The following ADAM10 variants were observed in gnomAD, a reference collection of about 807,000 sequenced individuals.
The protein encoded by ADAM10 is ADAM metallopeptidase domain 10.
Under a neutral mutation model 90.1 loss-of-function variants are expected in ADAM10, and 17 were observed. That is an observed-to-expected ratio of 0.19 (90% CI 0.13 to 0.28). The LOEUF (loss-of-function observed/expected upper bound fraction) is 0.28. ADAM10 is among the 10% of genes least tolerant of loss of function. The pLI, the probability that ADAM10 is intolerant of heterozygous loss-of-function variation, is 1.00. For synonymous variants in ADAM10, 310 were observed against 298.6 expected (o/e 1.04, Z -0.40); for missense variants, 610 against 914.3 (o/e 0.67, Z 4.29).
Position 58,597,467 on chromosome 15 carries a change from G to C in ADAM10, c.*80C>G, listed in dbSNP as rs868013756. 3.7e-6 allele frequency: 6 copies of C among 1,608,132 alleles called. No individual in the cohort carries two copies. The Middle Eastern group carries it at 9.9e-4, about 265-fold the overall frequency. On this transcript the variant is annotated 3_prime_UTR_variant, in exon 16 of 16. Coordinates refer to ENST00000260408, the MANE Select transcript of ADAM10 (RefSeq NM_001110.4). ...GTTACTTGTGAGGGTTTAGTTTGGA[G>C]ATGATGACTTAATAGGTTTCTCTTT...
intron 8 of ADAM10, among the ~76,000 whole-genome samples, chr15:58,638,980 A>G (rs1327220529): frequency 4.6e-5 from 7 of 152,232 alleles, no homozygotes; most frequent in Admixed American, 4.6e-4. Flanking sequence ...ATCTAAAGAC[A>G]TGAGAATATC....
At position 58,703,290 on chromosome 15, in the gene ADAM10, T is replaced by G. The variant is rs1487366813; in HGVS notation, c.206+14287A>C. 5.4e-4 allele frequency among the ~76,000 whole-genome samples: 38 copies of G among 70,680 alleles called. 1 individual carries two copies. The highest frequency in any genetic ancestry group is 1.9e-3 in the African/African-American group (32 of 16,818). 46.4% of individuals were successfully genotyped at this position (70,680 alleles called of 152,430 possible). A position where few individuals can be genotyped will look rare whatever the true frequency, so the allele number is the denominator to read the frequency against. On this transcript the variant is annotated intron_variant, in intron 2 of 15. Transcript: ENST00000260408. ...TCCAGGAAAACAATTTGGTATTCCC[T>G]CAAAAAAAAAAAAAAAAAAAACACA...
chr15:58,746,810 C>T (rs1899806331), intron 1 of ADAM10, among the ~76,000 whole-genome samples: 3 of 152,138 alleles, frequency 2.0e-5, no homozygotes, highest in Non-Finnish European at 4.4e-5. Flanking sequence ...TAACTGGACT[C>T]AAACTGAAGT....
intron 4 of ADAM10, among the ~76,000 whole-genome samples, chr15:58,673,144 C>A (rs1406789999): frequency 6.6e-6 from 1 of 152,008 alleles, no homozygotes; most frequent in African/African-American, 2.4e-5. Context: ...AAAAAAAATA[C>A]AGATGGATGG....
chr15:58,749,004 G>A (rs1423002206), intron 1 of ADAM10: 4 of 399,218 alleles, frequency 1.0e-5, no homozygotes, highest in Admixed American at 4.4e-5. Context: ...CTCGGCGGCG[G>A]AGAGGACTTC....
intron 1 of ADAM10, among the ~76,000 whole-genome samples, chr15:58,743,380 T>C (rs61678411): frequency 0.051 from 7,803 of 152,176 alleles, 679 homozygotes; most frequent in African/African-American, 0.18. Context: ...ACATAGACCA[T>C]ATTTTAAGCT....
intron 1 of ADAM10, among the ~76,000 whole-genome samples, chr15:58,745,823 G>C (rs1899773107): frequency 6.6e-6 from 1 of 152,154 alleles, no homozygotes; most frequent in South Asian, 2.1e-4. Context: ...CCAGTTTAAA[G>C]AGGGTGGCTA....
At chr15:58,687,326 A>G (rs1897630853) in intron 2 of ADAM10, among the ~76,000 whole-genome samples, 1 of 152,262 alleles carries the variant, frequency 6.6e-6, no homozygotes, top group South Asian at 2.1e-4. Flanking sequence ...TCTACTTTGT[A>G]GCTGTGGCTG....
At chr15:58,694,932 C>T (rs190413504) in intron 2 of ADAM10, among the ~76,000 whole-genome samples, 11 of 152,028 alleles carry the variant, frequency 7.2e-5, no homozygotes, top group Admixed American at 3.3e-4. Context: ...TTTTGTGATA[C>T]GACAGAAACA....
chr15:58,600,259 G>A (rs377464351), intron 14 of ADAM10, among the ~76,000 whole-genome samples: 3 of 152,082 alleles, frequency 2.0e-5, no homozygotes, highest in Non-Finnish European at 4.4e-5. Context: ...TATAGACTAT[G>A]TTTTGATTGC....
chr15:58,633,726 TA>T, intron 8 of ADAM10, among the ~76,000 whole-genome samples: 1 of 152,226 alleles, frequency 6.6e-6, no homozygotes, highest in African/African-American at 2.4e-5. Context: ...TTTCATCTTT[TA>T]AAAAGAAATC....
At chr15:58,628,371 T>C (rs567465622) in intron 9 of ADAM10, among the ~76,000 whole-genome samples, 19 of 152,140 alleles carry the variant, frequency 1.2e-4, no homozygotes, top group African/African-American at 4.6e-4. Context: ...TAATAGCCAA[T>C]ATATAGGAAA....
intron 11 of ADAM10, 27 bp downstream of exon 11, chr15:58,621,444 T>C: frequency 6.2e-7 from 1 of 1,613,712 alleles, no homozygotes; most frequent in Non-Finnish European, 8.5e-7. Flanking sequence ...TACAAGAATG[T>C]TAACATCACT....
rs1008133969 is a variant in ADAM10, at chr15:58,594,903, A to T, written c.*2644T>A. 2.0e-5 allele frequency: 3 copies of T among 152,144 alleles called. No individual in the cohort carries two copies. The highest frequency in any genetic ancestry group is 7.2e-5 in the African/African-American group (3 of 41,446). The allele number at this position is 152,144 out of a possible 1,614,324, so 9.4% of individuals were successfully genotyped here. The stretch of plus-strand genomic sequence containing the variant: ...GTATTACTTATAGCTAACCTTGACT[A>T]AAAAAAGAATTTGAAGCAGATTACC... On this transcript the variant is annotated 3_prime_UTR_variant, in exon 16 of 16. Transcript: ENST00000260408.
chr15:58,631,591 G>C lies in ADAM10; in HGVS notation c.1176+1605C>G, dbSNP rs71478680. Among the ~76,000 whole-genome samples the C allele has an allele frequency of 8.3e-3, 1,268 of 152,212 alleles. 10 individuals carry two copies. The highest frequency in any genetic ancestry group is 0.014 in the Non-Finnish European group (922 of 68,006). On this transcript the variant is annotated intron_variant, in intron 9 of 15. Coordinates refer to ENST00000260408, the MANE Select transcript of ADAM10 (RefSeq NM_001110.4). ...GCCCCATCAAAGACCTACTAAAAAA[G>C]AATCTGTGTTTTAAGATTCTCAGGT...
intron 8 of ADAM10, among the ~76,000 whole-genome samples, chr15:58,633,909 A>C (rs560831206): frequency 3.3e-5 from 5 of 152,014 alleles, no homozygotes; most frequent in Non-Finnish European, 5.9e-5. Flanking sequence ...GTTAAAAAAA[A>C]AAAAAAAGAG....
chr15:58,661,135 C>A (rs1313267541), intron 5 of ADAM10, among the ~76,000 whole-genome samples: 1 of 152,206 alleles, frequency 6.6e-6, no homozygotes, highest in Non-Finnish European at 1.5e-5. Context: ...TTTTGATTCT[C>A]TGTATATTAC....
At chr15:58,680,364 C>G (rs1349340720) in intron 3 of ADAM10, among the ~76,000 whole-genome samples, 13 of 152,214 alleles carry the variant, frequency 8.5e-5, no homozygotes, top group Admixed American at 4.6e-4. Flanking sequence ...CTCAAACAAT[C>G]CACCTGCCTC....
chr15:58,736,456 T>A (rs770040343), intron 1 of ADAM10, among the ~76,000 whole-genome samples: 9 of 152,148 alleles, frequency 5.9e-5, no homozygotes, highest in Non-Finnish European at 1.3e-4. Context: ...ACATGGCACC[T>A]AATACTTATA....
Sources: allele counts gnomAD v4.1 joint callset (sites outside exome capture counted in the v4.1 genomes callset), GRCh38; gene constraint gnomAD v4.1.1; transcripts MANE v1.5; gene names NCBI Gene and HGNC (gene_info 2026-07-23, HGNC 2026-07-21).